The following AGBL1 variants were observed in gnomAD, a reference collection of about 807,000 sequenced individuals.
The protein encoded by AGBL1 is AGBL carboxypeptidase 1, also known as cytosolic carboxypeptidase 4.
A neutral mutation model predicts 118.9 loss-of-function variants in AGBL1; 130 were observed. The observed-to-expected ratio is 1.09, with a 90% CI of 0.95 to 1.26. The LOEUF (loss-of-function observed/expected upper bound fraction) is 1.26. AGBL1 is among the 50% of genes most tolerant of loss of function. The pLI is 0.00. For synonymous variants in AGBL1, 555 were observed against 478.9 expected, an observed-to-expected ratio of 1.16 and a Z score of -2.08; for missense variants, 1,584 against 1,298.1, an observed-to-expected ratio of 1.22 and a Z score of -3.38.
chr15:86,721,268 G>A (rs988833047), intron 22 of AGBL1, among the ~76,000 whole-genome samples: 4 of 152,092 alleles, frequency 2.6e-5, no homozygotes, highest in East Asian at 1.9e-4. Context: ...CTGGCAAACC[G>A]AATCCAGCAG....
chr15:86,476,552 C>G (rs1232673245), intron 18 of AGBL1, among the ~76,000 whole-genome samples: 1 of 152,098 alleles, frequency 6.6e-6, no homozygotes, highest in African/African-American at 2.4e-5. Context: ...ATATATGCAC[C>G]CAATACAGGA....
intron 22 of AGBL1, among the ~76,000 whole-genome samples, chr15:86,826,132 A>G (rs1031455583): frequency 6.6e-6 from 1 of 152,050 alleles, no homozygotes; most frequent in African/African-American, 2.4e-5. Flanking sequence ...TTGTGTGTGT[A>G]TGTACGTATA....
intron 4 of AGBL1, among the ~76,000 whole-genome samples, chr15:86,158,595 C>T (rs548259920): frequency 9.9e-5 from 15 of 152,282 alleles, no homozygotes; most frequent in Admixed American, 7.8e-4. Flanking sequence ...TAACCAGATA[C>T]CTCTTTGGAG....
chr15:86,891,080 T>G (rs1016493399), intron 22 of AGBL1, among the ~76,000 whole-genome samples: 2 of 152,148 alleles, frequency 1.3e-5, no homozygotes, highest in African/African-American at 4.8e-5. Flanking sequence ...CCTTGAGCAG[T>G]AGTTGAAGAA....
intron 17 of AGBL1, among the ~76,000 whole-genome samples, chr15:86,334,299 C>A (rs944563285): frequency 1.3e-5 from 2 of 152,166 alleles, no homozygotes; most frequent in Non-Finnish European, 2.9e-5. Flanking sequence ...GCTCCTAGAA[C>A]TGATAAAGGA....
In AGBL1 at chr15:86,528,276, C is replaced by T. The variant is rs552460956; in HGVS notation, c.2685+5337C>T. Among the ~76,000 whole-genome samples, 289 of 152,322 alleles carry T rather than the reference C, an allele frequency of 1.9e-3. 6 individuals carry two copies. In the South Asian group the frequency reaches 0.046, roughly 24 times the overall value. ...GCACCGGGCGCGAACCGAAGCAGGG[C>T]GAGGCATTGCCTCACCTGGGAAGCG... On this transcript the variant is annotated intron_variant, in intron 19 of 22. Transcript: ENST00000614907.
At chr15:86,331,406 T>C (rs1167343904) in intron 17 of AGBL1, among the ~76,000 whole-genome samples, 2 of 58,904 alleles carry the variant, frequency 3.4e-5, no homozygotes, top group Non-Finnish European at 8.1e-5. Flanking sequence ...AAAATTTCCC[T>C]AATCTTACTT....
At chr15:86,665,854 G>A (rs1471837363) in intron 21 of AGBL1, among the ~76,000 whole-genome samples, 2 of 150,864 alleles carry the variant, frequency 1.3e-5, no homozygotes, top group African/African-American at 4.9e-5. Context: ...TCCTTTTCCT[G>A]TTGCCTGAAG....
intron 21 of AGBL1, among the ~76,000 whole-genome samples, chr15:86,622,741 C>T (rs2346711): frequency 9.9e-5 from 15 of 151,842 alleles, no homozygotes; most frequent in South Asian, 4.2e-4. Flanking sequence ...CCACAGACTA[C>T]GGGTGGGGCA....
intron 23 of AGBL1, chr15:86,932,925 T>G (rs2080623228): frequency 6.6e-6 from 1 of 152,196 alleles, no homozygotes; most frequent in South Asian, 2.1e-4. Flanking sequence ...GGAAACAGAA[T>G]TGTTAGTCAG....
At chr15:86,122,609 T>TA (rs1898154411) in intron 1 of AGBL1, among the ~76,000 whole-genome samples, 2 of 151,912 alleles carry the variant, frequency 1.3e-5, no homozygotes, top group African/African-American at 2.4e-5. Flanking sequence ...CTCATCTAAT[T>TA]AAAAAAAATC....
intron 24 of AGBL1, among the ~76,000 whole-genome samples, chr15:87,024,531 C>T (rs1434167102): frequency 6.6e-6 from 1 of 151,698 alleles, no homozygotes; most frequent in Non-Finnish European, 1.5e-5. Context: ...GATTCCCAGA[C>T]GTATTCACAG....
intron 17 of AGBL1, among the ~76,000 whole-genome samples, chr15:86,358,001 T>G (rs2080748276): frequency 6.6e-6 from 1 of 152,132 alleles, no homozygotes; most frequent in Non-Finnish European, 1.5e-5. Flanking sequence ...AATATATCTA[T>G]CACCTCACAT....
chr15:86,845,014 T>A (rs1352574718), intron 22 of AGBL1, among the ~76,000 whole-genome samples: 1 of 152,162 alleles, frequency 6.6e-6, no homozygotes, highest in Non-Finnish European at 1.5e-5. Context: ...TGTAAGAATT[T>A]ATTCTAATCT....
chr15:86,371,298 T>C (rs1227995676), intron 17 of AGBL1, among the ~76,000 whole-genome samples: 1 of 152,080 alleles, frequency 6.6e-6, no homozygotes, highest in Non-Finnish European at 1.5e-5. Flanking sequence ...TGGCGGTCAT[T>C]GGGGCCTGGA....
chr15:86,476,019 C>T (rs1231708043), intron 18 of AGBL1, among the ~76,000 whole-genome samples: 1 of 152,136 alleles, frequency 6.6e-6, no homozygotes, highest in Non-Finnish European at 1.5e-5. Flanking sequence ...CCTTTACAGA[C>T]AAGCAAATGC....
At chr15:86,742,247 G>A (rs1174819883) in intron 22 of AGBL1, among the ~76,000 whole-genome samples, 1 of 152,084 alleles carries the variant, frequency 6.6e-6, no homozygotes, top group Admixed American at 6.6e-5. Flanking sequence ...CTTTTTATGA[G>A]CCCCTACAAA....
chr15:86,162,498 A>G (rs1220042058), intron 5 of AGBL1, among the ~76,000 whole-genome samples: 1 of 152,182 alleles, frequency 6.6e-6, no homozygotes, highest in Non-Finnish European at 1.5e-5. Context: ...ATGAAGAGCA[A>G]TGTCACTAAC....
chr15:86,644,851 C>A (rs7167589), intron 21 of AGBL1, among the ~76,000 whole-genome samples: 909 of 99,416 alleles, frequency 9.1e-3, no homozygotes, highest in African/African-American at 0.013. Flanking sequence ...ACTAAAAATA[C>A]AAAAAAAAAA....
Sources: gnomAD v4.1 joint callset for allele counts (sites outside exome capture counted in the v4.1 genomes callset) on GRCh38, gnomAD v4.1.1 for gene constraint, MANE v1.5 for transcripts, NCBI Gene and HGNC (gene_info 2026-07-23, HGNC 2026-07-21) for gene names.